Variants in SOX6 observed in about 807,000 individuals in gnomAD.
SOX6 encodes the protein SRY-box transcription factor 6.
A neutral mutation model predicts 97.8 loss-of-function variants in SOX6; 11 were observed. The ratio of observed to expected loss-of-function variants is 0.11; its 90% confidence interval spans 0.07 to 0.19. The LOEUF is 0.19. SOX6 is among the 10% of genes least tolerant of loss of function. The pLI, the probability that SOX6 is intolerant of heterozygous loss-of-function variation, is 1.00. For missense variants in SOX6, 810 were observed against 1,039.5 expected (o/e 0.78, Z 3.04); for synonymous variants, 360 against 371.4 (o/e 0.97, Z 0.35).
intron 13 of SOX6, among the ~76,000 whole-genome samples, chr11:16,004,694 T>G (rs1854499954): frequency 6.6e-6 from 1 of 151,896 alleles, no homozygotes; most frequent in Admixed American, 6.6e-5. Flanking sequence ...TAATTAAAAT[T>G]TTCTGCTTTT....
intron 1 of SOX6, among the ~76,000 whole-genome samples, chr11:16,367,943 A>G (rs1857399177): frequency 6.6e-6 from 1 of 152,096 alleles, no homozygotes; most frequent in South Asian, 2.1e-4. Context: ...ATATAAAACA[A>G]CCTATAACAA....
chr11:16,604,562 C>T (rs1284474309), intron 4 of SOX6, among the ~76,000 whole-genome samples: 1 of 152,168 alleles, frequency 6.6e-6, no homozygotes, highest in South Asian at 2.1e-4. Context: ...GTCATCCGAG[C>T]GCCCATTGAC....
Position 16,287,296 on chromosome 11 carries a change from T to TCA in SOX6, c.445+31149_445+31150insTG, listed in dbSNP as rs1338178758. The stretch of plus-strand genomic sequence containing the variant: ...CTCTCTCTCTCTCTCTCTCTCTCTC[T>TCA]CTCACACACACACACACACACACAC... On this transcript the variant is annotated intron_variant, in intron 3 of 15. Coordinates refer to ENST00000683767, the MANE Select transcript of SOX6 (RefSeq NM_001367873.1). Among the ~76,000 whole-genome samples the TCA allele has an allele frequency of 6.3e-3, 753 of 120,046 alleles. 7 individuals carry two copies. The highest frequency in any genetic ancestry group is 0.023 in the African/African-American group (700 of 30,902). 78.8% of individuals were successfully genotyped at this position (120,046 alleles called of 152,430 possible).
chr11:16,333,387 G>A (rs1308222719), intron 2 of SOX6, among the ~76,000 whole-genome samples: 2 of 152,112 alleles, frequency 1.3e-5, no homozygotes, highest in East Asian at 3.9e-4. Flanking sequence ...AGATTTTATT[G>A]TTCCAGTTAT....
intron 2 of SOX6, among the ~76,000 whole-genome samples, chr11:16,728,875 G>C (rs934138767): frequency 5.3e-5 from 8 of 152,214 alleles, no homozygotes; most frequent in African/African-American, 1.9e-4. Context: ...AACCAGTTTA[G>C]AGATGAACAT....
chr11:16,278,897 G>A (rs371747586), intron 3 of SOX6, among the ~76,000 whole-genome samples: 3 of 152,042 alleles, frequency 2.0e-5, no homozygotes, highest in South Asian at 4.1e-4. Flanking sequence ...AGTTGATCAA[G>A]CCTTCATTTT....
chr11:16,070,077 C>G (rs759198157), intron 9 of SOX6, among the ~76,000 whole-genome samples: 11 of 152,268 alleles, frequency 7.2e-5, no homozygotes, highest in Admixed American at 5.9e-4. Context: ...ATGGCGTGAA[C>G]CTGGGAGGCG....
At chr11:16,093,283 C>T (rs191538823) in intron 9 of SOX6, among the ~76,000 whole-genome samples, 1 of 152,040 alleles carries the variant, frequency 6.6e-6, no homozygotes, top group East Asian at 1.9e-4. Context: ...CACTCTTTGG[C>T]CTTCTTTCTC....
At chr11:16,196,549 T>C (rs896185050) in intron 4 of SOX6, among the ~76,000 whole-genome samples, 10 of 152,218 alleles carry the variant, frequency 6.6e-5, no homozygotes, top group African/African-American at 2.2e-4. Context: ...CTTTAAAATA[T>C]CCCAGCGACT....
intron 4 of SOX6, among the ~76,000 whole-genome samples, chr11:16,206,016 G>A (rs918511257): frequency 2.0e-5 from 3 of 151,512 alleles, no homozygotes; most frequent in African/African-American, 7.3e-5. Flanking sequence ...TACTATGCCT[G>A]TAAAGATCAT....
chr11:15,987,341 C>A (rs1046681292), intron 14 of SOX6, among the ~76,000 whole-genome samples: 1 of 152,108 alleles, frequency 6.6e-6, no homozygotes, highest in African/African-American at 2.4e-5. Flanking sequence ...CACATGCATC[C>A]CTGCTCTTTC....
intron 4 of SOX6, among the ~76,000 whole-genome samples, chr11:16,483,064 T>C (rs1364185406): frequency 2.6e-5 from 4 of 152,138 alleles, no homozygotes; most frequent in South Asian, 2.1e-4. Context: ...ACGATGAAAA[T>C]AGTTTTGACA....
At chr11:16,110,859 G>T (rs755156260) in intron 7 of SOX6, among the ~76,000 whole-genome samples, 47 of 152,084 alleles carry the variant, frequency 3.1e-4, no homozygotes, top group Non-Finnish European at 5.7e-4. Context: ...ATATTAAAAC[G>T]CCTTTGTTCA....
intron 4 of SOX6, among the ~76,000 whole-genome samples, chr11:16,489,875 C>T (rs991350590): frequency 6.6e-6 from 1 of 152,088 alleles, no homozygotes; most frequent in Non-Finnish European, 1.5e-5. Context: ...TAGCTTCAAA[C>T]CCTGGTTCTG....
intron 6 of SOX6, among the ~76,000 whole-genome samples, chr11:16,169,411 A>G (rs1850972012): frequency 6.6e-6 from 1 of 152,142 alleles, no homozygotes; most frequent in Admixed American, 6.6e-5. Flanking sequence ...GGAAAAGTAC[A>G]GAAATTTAAA....
rs1281252566 is a variant in SOX6 at position 16,159,559 on chromosome 11, C to G, written c.777+24327G>C. On this transcript the variant is annotated intron_variant, in intron 6 of 15. Coordinates refer to ENST00000683767, the MANE Select transcript of SOX6 (RefSeq NM_001367873.1). ...GATAGAAAAAATAAGGTAAAAAGAC[C>G]TTTATGCAGTATTCTGAGTAATATA... is the stretch of plus-strand genomic sequence containing the variant. Among the ~76,000 whole-genome samples, 3 of 152,002 alleles carry G rather than the reference C, an allele frequency of 2.0e-5. No individual in the cohort carries two copies. The East Asian group carries it at 5.8e-4, about 29-fold the overall frequency.
At chr11:16,487,186 T>C (rs1305965117) in intron 4 of SOX6, among the ~76,000 whole-genome samples, 1 of 152,150 alleles carries the variant, frequency 6.6e-6, no homozygotes, top group Non-Finnish European at 1.5e-5. Context: ...TTTTTAACAA[T>C]AAAATAATGA....
chr11:16,162,857 C>T (rs1050946022), intron 6 of SOX6, among the ~76,000 whole-genome samples: 1 of 150,874 alleles, frequency 6.6e-6, no homozygotes, highest in Non-Finnish European at 1.5e-5. Flanking sequence ...GTGGTTGTGA[C>T]CAATTAGAAG....
At chr11:16,135,488 G>A (rs1460359067) in intron 6 of SOX6, among the ~76,000 whole-genome samples, 1 of 152,260 alleles carries the variant, frequency 6.6e-6, no homozygotes, top group South Asian at 2.1e-4. Flanking sequence ...ACAGGAATTT[G>A]GAAGTTGATT....
Sources: allele counts gnomAD v4.1 joint callset (sites outside exome capture counted in the v4.1 genomes callset), GRCh38; gene constraint gnomAD v4.1.1; transcripts MANE v1.5; gene names NCBI Gene and HGNC (gene_info 2026-07-23, HGNC 2026-07-21).